Variants in FAF1 observed in about 807,000 individuals in gnomAD.
FAF1 encodes the protein FAS-associated factor 1.
In FAF1, 25 loss-of-function variants were observed where a neutral mutation model predicts 92.5. The ratio of observed to expected loss-of-function variants is 0.27; its 90% CI spans 0.20 to 0.38. The LOEUF is 0.38. Among genes scored for constraint, FAF1 ranks in the 10% least tolerant of loss-of-function variants. The pLI is 1.00. For synonymous variants in FAF1, 234 were observed against 273.2 expected, an observed-to-expected ratio of 0.86 and a Z score of 1.42; for missense variants, 636 against 793.3, an observed-to-expected ratio of 0.80 and a Z score of 2.38.
intron 1 of FAF1, among the ~76,000 whole-genome samples, chr1:50,915,059 T>TC (rs1294015636): frequency 1.3e-5 from 2 of 152,206 alleles, no homozygotes; most frequent in Admixed American, 1.3e-4. Context: ...CCTCTTCTAC[T>TC]CTTCTTTTTC....
At chr1:50,453,608 A>G (rs1046109246) in intron 18 of FAF1, among the ~76,000 whole-genome samples, 1 of 152,250 alleles carries the variant, frequency 6.6e-6, no homozygotes, top group African/African-American at 2.4e-5. Flanking sequence ...CTGGAAGGCA[A>G]GAATCATGAA....
At chr1:50,730,323 T>C (rs751169412) in intron 6 of FAF1, among the ~76,000 whole-genome samples, 1 of 152,104 alleles carries the variant, frequency 6.6e-6, no homozygotes, top group Non-Finnish European at 1.5e-5. Context: ...AATTATCTTA[T>C]TACTTTAAAA....
intron 18 of FAF1, among the ~76,000 whole-genome samples, chr1:50,460,884 C>T (rs1459682185): frequency 6.6e-6 from 1 of 152,088 alleles, no homozygotes; most frequent in Non-Finnish European, 1.5e-5. Flanking sequence ...AATTCCTGGG[C>T]TCAAGCCTTC....
At chr1:50,456,272 C>A (rs969872707) in intron 18 of FAF1, among the ~76,000 whole-genome samples, 1 of 152,044 alleles carries the variant, frequency 6.6e-6, no homozygotes, top group African/African-American at 2.4e-5. Context: ...CTAAGAATGT[C>A]TTGCTGGAGA....
At chr1:50,501,632 G>A (rs1358072283) in intron 15 of FAF1, among the ~76,000 whole-genome samples, 1 of 149,840 alleles carries the variant, frequency 6.7e-6, no homozygotes, top group Non-Finnish European at 1.5e-5. Context: ...CTGCACTCCA[G>A]CCTGGGTGAC....
chr1:50,444,254 C>T (rs1276922490), intron 18 of FAF1, among the ~76,000 whole-genome samples: 12 of 152,164 alleles, frequency 7.9e-5, no homozygotes, highest in Admixed American at 6.5e-4. Flanking sequence ...TCAAGAAGGA[C>T]ATGGAGCATG....
At chr1:50,938,510 CT>C (rs760395416) in intron 1 of FAF1, among the ~76,000 whole-genome samples, 61 of 152,226 alleles carry the variant, frequency 4.0e-4, no homozygotes, top group Non-Finnish European at 7.8e-4. Context: ...CAAATATTTT[CT>C]CCCATTCTGT....
chr1:50,718,277 C>T (rs1006307987), intron 6 of FAF1, among the ~76,000 whole-genome samples: 1 of 152,150 alleles, frequency 6.6e-6, no homozygotes, highest in African/African-American at 2.4e-5. Context: ...ATCCGCCTGC[C>T]TCAGCCTCCC....
At chr1:50,712,039 A>G (rs1429759440) in intron 6 of FAF1, among the ~76,000 whole-genome samples, 1 of 152,210 alleles carries the variant, frequency 6.6e-6, no homozygotes, top group African/African-American at 2.4e-5. Flanking sequence ...ACTATCATAC[A>G]AAAAAGGTAG....
At chr1:50,848,149 T>TA (rs569566013) in intron 2 of FAF1, among the ~76,000 whole-genome samples, 25 of 151,780 alleles carry the variant, frequency 1.6e-4, no homozygotes, top group Non-Finnish European at 2.2e-4. Context: ...AAAAATAATT[T>TA]AAAAAAAACA....
intron 2 of FAF1, among the ~76,000 whole-genome samples, chr1:50,843,266 T>G (rs547793976): frequency 6.6e-6 from 1 of 152,302 alleles, no homozygotes; most frequent in South Asian, 2.1e-4. Flanking sequence ...CTTCATTTTA[T>G]GGATATATAA....
At chr1:50,640,082 T>TA (rs1338337074) in intron 8 of FAF1, among the ~76,000 whole-genome samples, 1 of 152,166 alleles carries the variant, frequency 6.6e-6, no homozygotes, top group Admixed American at 6.5e-5. Context: ...TAAAATGTGT[T>TA]AAAATTTTTA....
intron 8 of FAF1, among the ~76,000 whole-genome samples, chr1:50,614,472 A>G (rs2124148700): frequency 6.6e-6 from 1 of 152,350 alleles, no homozygotes; most frequent in South Asian, 2.1e-4. Flanking sequence ...AATATTTTCT[A>G]GAGACTGGGA....
chr1:50,752,736 G>A lies in FAF1; in HGVS notation c.368-7961C>T, dbSNP rs1029814628. On this transcript the variant is annotated intron_variant, in intron 4 of 18. Coordinates refer to ENST00000396153, the MANE Select transcript of FAF1 (RefSeq NM_007051.3). Reference sequence around the variant, plus strand: ...CTCATTTTGTCACCCAGGCTGGAGTGCAGTGGGGTGATCTCAACTCACTGC... The same window carrying A: ...CTCATTTTGTCACCCAGGCTGGAGTACAGTGGGGTGATCTCAACTCACTGC... Among the ~76,000 whole-genome samples, 7 of 152,188 alleles carry A rather than the reference G, an allele frequency of 4.6e-5. No homozygotes were observed. In the South Asian group the frequency reaches 1.2e-3, roughly 27 times the overall value.
chr1:50,601,091 C>T (rs1176963096), intron 8 of FAF1, among the ~76,000 whole-genome samples: 1 of 149,118 alleles, frequency 6.7e-6, no homozygotes, highest in Non-Finnish European at 1.5e-5. Context: ...ACAACTATTA[C>T]TTGAAACAAC....
At chr1:50,884,018 G>A (rs1198267324) in intron 1 of FAF1, among the ~76,000 whole-genome samples, 7 of 152,008 alleles carry the variant, frequency 4.6e-5, no homozygotes, top group Admixed American at 2.0e-4. Context: ...CCAGCTACTC[G>A]GGAGGCTGAG....
chr1:50,910,474 G>A (rs934217999), intron 1 of FAF1, among the ~76,000 whole-genome samples: 3 of 152,164 alleles, frequency 2.0e-5, no homozygotes, highest in Non-Finnish European at 4.4e-5. Context: ...ACTGTGCCCT[G>A]CCCCTAGAGG....
At chr1:50,561,848 C>CGGACGGAA (rs1553227084) in intron 13 of FAF1, among the ~76,000 whole-genome samples, 1 of 128,484 alleles carries the variant, frequency 7.8e-6, no homozygotes, top group Non-Finnish European at 1.6e-5. Context: ...GACGGATGGA[C>CGGACGGAA]GGAAGGAAGG....
chr1:50,758,844 A>G (rs954473421), intron 4 of FAF1, among the ~76,000 whole-genome samples: 3 of 151,898 alleles, frequency 2.0e-5, no homozygotes, highest in Admixed American at 6.6e-5. Context: ...TTTTATTATT[A>G]TTATTGTTAT....
Sources: gnomAD v4.1 joint callset for allele counts (sites outside exome capture counted in the v4.1 genomes callset) on GRCh38, gnomAD v4.1.1 for gene constraint, MANE v1.5 for transcripts, NCBI Gene and HGNC (gene_info 2026-07-23, HGNC 2026-07-21) for gene names.